IQCM: variants seen among roughly 807,000 people sequenced by gnomAD.
IQCM encodes the protein IQ motif containing M, also known as IQ domain-containing protein M.
A neutral mutation model predicts 57.6 loss-of-function variants in IQCM; 45 were observed. The observed-to-expected ratio is 0.78, with a 90% CI of 0.62 to 1.00. The LOEUF (loss-of-function observed/expected upper bound fraction) is 1.00, where lower values mean the gene tolerates loss of function less well. Ranked by LOEUF, IQCM falls within the 50% of genes least tolerant of loss-of-function variation. The pLI is 0.00. For missense variants in IQCM, 468 were observed against 511.6 expected (o/e 0.91, Z 0.82); for synonymous variants, 148 against 158.9 (o/e 0.93, Z 0.51).
In IQCM at chr4:149,552,680, C is replaced by G. The variant is rs2654804; in HGVS notation, c.1093+463G>C. The stretch of plus-strand genomic sequence containing the variant: ...TGCAACTCTCAAGCAGGATTCCCTA[C>G]CTTCCCACTGCAAAGTGTTGGATTT... On this transcript the variant is annotated intron_variant, in intron 11 of 13. Coordinates refer to ENST00000636793, the MANE Select transcript of IQCM (RefSeq NM_001363507.2). Among the ~76,000 whole-genome samples, 30 of 152,110 alleles carry G rather than the reference C, an allele frequency of 2.0e-4. 1 individual carries two copies. Among genetic ancestry groups the G allele is most frequent in the Non-Finnish European group, 2.9e-4 (20 of 67,964 alleles).
chr4:149,729,703 T>A (rs750981453), intron 5 of IQCM, among the ~76,000 whole-genome samples: 10 of 151,920 alleles, frequency 6.6e-5, no homozygotes, highest in Non-Finnish European at 1.5e-4. Context: ...TCATTTTTTT[T>A]AATATATGGT....
chr4:149,495,122 A>T (rs548205869), intron 12 of IQCM, among the ~76,000 whole-genome samples: 2 of 152,116 alleles, frequency 1.3e-5, no homozygotes, highest in Non-Finnish European at 2.9e-5. Context: ...TTATAGAAAC[A>T]GGGGATACAG....
chr4:149,708,105 C>A (rs1406780659), intron 5 of IQCM, among the ~76,000 whole-genome samples: 1 of 151,986 alleles, frequency 6.6e-6, no homozygotes, highest in Admixed American at 6.6e-5. Flanking sequence ...CACCACCTTT[C>A]TTCTTTATCT....
At chr4:149,734,041 T>C (rs1427521371) in intron 4 of IQCM, among the ~76,000 whole-genome samples, 1 of 152,058 alleles carries the variant, frequency 6.6e-6, no homozygotes, top group Non-Finnish European at 1.5e-5. Flanking sequence ...AATTGCTTCT[T>C]TATTTTGACC....
chr4:149,375,856 G>C (rs1282968470), intron 13 of IQCM, among the ~76,000 whole-genome samples: 1 of 152,060 alleles, frequency 6.6e-6, no homozygotes, highest in Admixed American at 6.6e-5. Context: ...ACAAACGTCT[G>C]TTCAATTTTC....
chr4:149,577,724 T>C (rs879050539), intron 9 of IQCM, among the ~76,000 whole-genome samples: 1 of 151,994 alleles, frequency 6.6e-6, no homozygotes, highest in African/African-American at 2.4e-5. Flanking sequence ...CTTTTCTTGG[T>C]TCCATATGAA....
intron 12 of IQCM, among the ~76,000 whole-genome samples, chr4:149,538,650 C>T (rs1206870311): frequency 6.6e-6 from 1 of 151,658 alleles, no homozygotes; most frequent in Non-Finnish European, 1.5e-5. Context: ...TTCAAATTTG[C>T]AAATAGGCTG....
At chr4:149,431,421 G>A (rs929682163) in intron 13 of IQCM, among the ~76,000 whole-genome samples, 4 of 151,694 alleles carry the variant, frequency 2.6e-5, no homozygotes, top group South Asian at 4.2e-4. Flanking sequence ...GACTAATGAC[G>A]GTACACATCT....
intron 13 of IQCM, among the ~76,000 whole-genome samples, chr4:149,381,881 T>A (rs1256697948): frequency 6.6e-6 from 1 of 152,054 alleles, no homozygotes; most frequent in Non-Finnish European, 1.5e-5. Flanking sequence ...TTTGAGTGAT[T>A]CTCCTACCTC....
At chr4:149,551,876 C>CCT (rs34352840) in intron 11 of IQCM, among the ~76,000 whole-genome samples, 2 of 150,414 alleles carry the variant, frequency 1.3e-5, no homozygotes, top group Admixed American at 1.3e-4. Context: ...TCTATCACTG[C>CCT]CTCTCTCTCT....
rs139303267 is a variant in IQCM at position 149,535,703 on chromosome 4, C to G, written c.1228+12752G>C. Among the ~76,000 whole-genome samples, 99 of 152,090 alleles carry G rather than the reference C, an allele frequency of 6.5e-4. 1 individual carries two copies. The East Asian group carries it at 0.018, about 28-fold the overall frequency. Reference sequence around the variant, plus strand: ...GAATTTAATCAGATTCTCTATGCAGCTTACATAACAATGGCACAAATATAT... The same window carrying G: ...GAATTTAATCAGATTCTCTATGCAGGTTACATAACAATGGCACAAATATAT... On this transcript the variant is annotated intron_variant, in intron 12 of 13. Coordinates refer to ENST00000636793, the MANE Select transcript of IQCM (RefSeq NM_001363507.2).
chr4:149,371,459 A>G (rs1158984498), intron 13 of IQCM, among the ~76,000 whole-genome samples: 2 of 152,074 alleles, frequency 1.3e-5, no homozygotes, highest in African/African-American at 4.8e-5. Flanking sequence ...TTAACTATCC[A>G]CCTCCTAAGG....
intron 13 of IQCM, among the ~76,000 whole-genome samples, chr4:149,391,630 T>C (rs1288764951): frequency 2.6e-5 from 4 of 151,992 alleles, no homozygotes; most frequent in African/African-American, 9.7e-5. Flanking sequence ...TCTGTGGTTA[T>C]ATAAATTTTC....
At chr4:149,390,051 T>A (rs189873182) in intron 13 of IQCM, among the ~76,000 whole-genome samples, 2 of 152,094 alleles carry the variant, frequency 1.3e-5, no homozygotes, top group East Asian at 3.9e-4. Context: ...GTAGATCAGG[T>A]TGGAGAGACC....
rs186673026 is a variant in IQCM, at chr4:149,579,619, T to C, written c.749+8311A>G. On this transcript the variant is annotated intron_variant, in intron 9 of 13. Transcript: ENST00000636793. Reference sequence around the variant, plus strand: ...CCCTGCTCCTGCTTCAGCATACAGCTCTCTTGGGCAGGACCTTTGCATAAG... The same window carrying C: ...CCCTGCTCCTGCTTCAGCATACAGCCCTCTTGGGCAGGACCTTTGCATAAG... 1.2e-4 allele frequency among the ~76,000 whole-genome samples: 19 copies of C among 152,026 alleles called. No homozygotes were observed. In the East Asian group the frequency reaches 2.0e-3, roughly 16 times the overall value.
At chr4:149,474,297 G>A (rs889205897) in intron 12 of IQCM, among the ~76,000 whole-genome samples, 1 of 152,026 alleles carries the variant, frequency 6.6e-6, no homozygotes, top group Non-Finnish European at 1.5e-5. Flanking sequence ...GAGCACAGTG[G>A]CTCAGGCCAG....
rs80054916 is a variant in IQCM, at chr4:149,781,122, C to G, written c.-49+34189G>C. On this transcript the variant is annotated intron_variant, in intron 2 of 13. Coordinates refer to ENST00000636793, the MANE Select transcript of IQCM (RefSeq NM_001363507.2). ...TGGATTTTAGAAAACATTCCTATTT[C>G]AAGAAAAGAAGAAGCAGAAAGCTAA... is the stretch of plus-strand genomic sequence containing the variant. Among the ~76,000 whole-genome samples the G allele has an allele frequency of 6.7e-3, 1,017 of 152,054 alleles. 11 individuals carry two copies. The highest frequency in any genetic ancestry group is 0.023 in the African/African-American group (958 of 41,482).
At chr4:149,491,014 G>A (rs1246188258) in intron 12 of IQCM, among the ~76,000 whole-genome samples, 1 of 151,990 alleles carries the variant, frequency 6.6e-6, no homozygotes, top group Non-Finnish European at 1.5e-5. Flanking sequence ...TAAAGTACGT[G>A]AGTGGAACTG....
intron 9 of IQCM, among the ~76,000 whole-genome samples, chr4:149,585,157 G>T (rs1444756792): frequency 6.6e-6 from 1 of 151,686 alleles, no homozygotes; most frequent in Non-Finnish European, 1.5e-5. Flanking sequence ...CCTGGCAATA[G>T]TAATATATGT....
Sources: gnomAD v4.1 joint callset for allele counts (sites outside exome capture counted in the v4.1 genomes callset) on GRCh38, gnomAD v4.1.1 for gene constraint, MANE v1.5 for transcripts, NCBI Gene and HGNC (gene_info 2026-07-23, HGNC 2026-07-21) for gene names.